The following DOCK10 variants were observed in gnomAD, a reference collection of about 807,000 sequenced individuals.
DOCK10 encodes dedicator of cytokinesis 10.
A neutral mutation model predicts 280.1 loss-of-function variants in DOCK10; 145 were observed. That is an observed-to-expected ratio of 0.52 (90% CI 0.45 to 0.59). DOCK10 has a LOEUF of 0.59. DOCK10 is among the 20% of genes least tolerant of loss of function. DOCK10 has a pLI of 0.00. For synonymous variants in DOCK10, 915 were observed against 942.2 expected (o/e 0.97, Z 0.53); for missense variants, 2,368 against 2,651.7 (o/e 0.89, Z 2.35).
intron 1 of DOCK10, among the ~76,000 whole-genome samples, chr2:224,973,338 C>A (rs1244995197): frequency 1.3e-5 from 2 of 152,126 alleles, no homozygotes; most frequent in African/African-American, 4.8e-5. Context: ...TGGGAATCAG[C>A]TAACCTAGAG....
At chr2:225,034,647 C>T (rs1370098943) in intron 1 of DOCK10, among the ~76,000 whole-genome samples, 1 of 152,164 alleles carries the variant, frequency 6.6e-6, no homozygotes, top group Non-Finnish European at 1.5e-5. Flanking sequence ...CTCCACCCCT[C>T]TTATTTCCCA....
At chr2:224,906,162 C>G (rs1208824738) in intron 3 of DOCK10, among the ~76,000 whole-genome samples, 1 of 152,150 alleles carries the variant, frequency 6.6e-6, no homozygotes, top group Non-Finnish European at 1.5e-5. Flanking sequence ...CATTCCTCTT[C>G]TTTACTTTAT....
intron 40 of DOCK10, 110 bp from the exon 41 acceptor site, chr2:224,800,373 ATAAT>A (rs1692901077): frequency 1.7e-6 from 1 of 575,882 alleles, no homozygotes; most frequent in South Asian, 2.9e-5. Context: ...ATTTTGATTA[ATAAT>A]TTATTAAATC....
intron 16 of DOCK10, among the ~76,000 whole-genome samples, chr2:224,853,573 T>C (rs1339160715): frequency 6.6e-6 from 1 of 152,228 alleles, no homozygotes; most frequent in Admixed American, 6.5e-5. Flanking sequence ...GCAATATCTC[T>C]CTAAATATCT....
At chr2:224,844,983 T>A in intron 21 of DOCK10, 144 bp from the exon 22 acceptor site, 1 of 802,644 alleles carries the variant, frequency 1.2e-6, no homozygotes. Flanking sequence ...CAAATACATT[T>A]AGCACTATTG....
chr2:224,778,219 G>A lies in DOCK10; in HGVS notation c.5721C>T (p.Ser1907=), dbSNP rs1439480376. ...GCTTGAGTAATCTTTGGGAAATCTC[G>A]GACAGACCTGTCAGCTTAGGCTCTT... ...IYKEPKLTGL[S]EISQRLLKLY... is the part of the protein sequence containing the mutation. The change falls in exon 51 of 56, where the codon TCC becomes TCT. Residue 1907 remains serine, a synonymous_variant. Coordinates refer to ENST00000258390, the MANE Select transcript of DOCK10 (RefSeq NM_014689.3). 1.1e-5 allele frequency: 17 copies of A among 1,611,626 alleles called. No homozygotes were observed. Among genetic ancestry groups the A allele is most frequent in the South Asian group, 3.3e-5 (3 of 90,770 alleles).
intron 25 of DOCK10, among the ~76,000 whole-genome samples, chr2:224,836,704 A>AT (rs1695615075): frequency 6.6e-6 from 1 of 151,066 alleles, no homozygotes; most frequent in Non-Finnish European, 1.5e-5. Context: ...GGTTCACGCC[A>AT]TTCTGCAGCC....
intron 55 of DOCK10, among the ~76,000 whole-genome samples, chr2:224,768,704 C>T (rs1290053889): frequency 6.7e-6 from 1 of 149,084 alleles, no homozygotes; most frequent in Non-Finnish European, 1.5e-5. Flanking sequence ...TGAGGCTTTT[C>T]CCCCCATTGA....
chr2:224,817,241 T>G (rs577053640), intron 29 of DOCK10, among the ~76,000 whole-genome samples: 2 of 152,344 alleles, frequency 1.3e-5, no homozygotes, highest in Non-Finnish European at 2.9e-5. Context: ...CAAATAGGTC[T>G]GTCTTTGCAA....
intron 4 of DOCK10, among the ~76,000 whole-genome samples, chr2:224,888,219 CTG>C (rs113299591): frequency 0.078 from 10,838 of 139,512 alleles, 549 homozygotes; most frequent in African/African-American, 0.16. Flanking sequence ...TAATATAGGC[CTG>C]TGTGTGTGTG....
At chr2:224,985,670 A>T (rs916601329) in intron 1 of DOCK10, among the ~76,000 whole-genome samples, 1 of 151,806 alleles carries the variant, frequency 6.6e-6, no homozygotes. Flanking sequence ...GACTAACAAA[A>T]ACCACCAAAA....
At chr2:224,856,514 A>G (rs1697155963) in intron 15 of DOCK10, among the ~76,000 whole-genome samples, 1 of 152,208 alleles carries the variant, frequency 6.6e-6, no homozygotes, top group African/African-American at 2.4e-5. Flanking sequence ...CTCTCAGCCC[A>G]TGCCATGTGT....
At chr2:224,774,298 T>C (rs1451181247) in intron 52 of DOCK10, among the ~76,000 whole-genome samples, 1 of 152,206 alleles carries the variant, frequency 6.6e-6, no homozygotes, top group African/African-American at 2.4e-5. Flanking sequence ...CTGAAATTCT[T>C]GCCTTACTTG....
chr2:224,996,496 T>C (rs994933426), intron 1 of DOCK10, among the ~76,000 whole-genome samples: 7 of 152,186 alleles, frequency 4.6e-5, no homozygotes, highest in African/African-American at 1.7e-4. Context: ...GCCCATATAA[T>C]TGACCATCCA....
At chr2:224,833,433 C>T (rs1001714583) in intron 26 of DOCK10, among the ~76,000 whole-genome samples, 2 of 152,008 alleles carry the variant, frequency 1.3e-5, no homozygotes, top group Admixed American at 6.5e-5. Context: ...GATGACTTCA[C>T]ACAGGTCTTT....
intron 50 of DOCK10, among the ~76,000 whole-genome samples, chr2:224,782,241 C>T (rs1241102620): frequency 6.6e-6 from 1 of 152,154 alleles, no homozygotes; most frequent in African/African-American, 2.4e-5. Flanking sequence ...CCTCCTCCCC[C>T]AAACTCCTTT....
chr2:224,784,327 A>T (rs1691583888), intron 50 of DOCK10, among the ~76,000 whole-genome samples: 1 of 152,168 alleles, frequency 6.6e-6, no homozygotes, highest in Non-Finnish European at 1.5e-5. Context: ...CCAACTTCCA[A>T]AATTCTGACC....
intron 3 of DOCK10, among the ~76,000 whole-genome samples, chr2:224,903,153 G>A (rs1162396508): frequency 1.3e-5 from 2 of 152,160 alleles, no homozygotes; most frequent in Non-Finnish European, 2.9e-5. Context: ...ACACACTCTT[G>A]AGGCAGAAGT....
chr2:224,944,160 A>G (rs1703261520), intron 1 of DOCK10, among the ~76,000 whole-genome samples: 1 of 152,002 alleles, frequency 6.6e-6, no homozygotes, highest in Non-Finnish European at 1.5e-5. Flanking sequence ...GGGTAGAAAA[A>G]AAACCATGGT....
Sources: allele counts gnomAD v4.1 joint callset (sites outside exome capture counted in the v4.1 genomes callset), GRCh38; gene constraint gnomAD v4.1.1; transcripts MANE v1.5; gene names NCBI Gene and HGNC (gene_info 2026-07-23, HGNC 2026-07-21).